NBAS: variants seen among roughly 807,000 people sequenced by gnomAD.
NBAS encodes NBAS subunit of NRZ tethering complex.
NBAS carries 219 observed loss-of-function variants against 302.5 expected under a neutral mutation model. The observed-to-expected ratio is 0.72, with a 90% CI of 0.65 to 0.81. The LOEUF (loss-of-function observed/expected upper bound fraction) is 0.81. Among genes scored for constraint, NBAS ranks in the 30% least tolerant of loss-of-function variants. The pLI is 0.00. For synonymous variants in NBAS, 1,118 were observed against 1,021.6 expected (o/e 1.09, Z -1.80); for missense variants, 2,932 against 2,841.6 (o/e 1.03, Z -0.72).
At chr2:15,092,863 C>G in the NBAS span, among the ~76,000 whole-genome samples, 14 of 152,304 alleles carry the variant, frequency 9.2e-5, no homozygotes, top group East Asian at 2.7e-3. Context: ...CCTTTCAGAG[C>G]TGGTGAGTCA....
chr2:15,464,971 C>A (rs555636255), intron 19 of NBAS, among the ~76,000 whole-genome samples: 7 of 152,192 alleles, frequency 4.6e-5, no homozygotes, highest in Non-Finnish European at 1.0e-4. Context: ...TGATTATGAG[C>A]CCTTGCTTCC....
chr2:14,886,111 C>G, the NBAS span, among the ~76,000 whole-genome samples: 1 of 152,152 alleles, frequency 6.6e-6, no homozygotes, highest in African/African-American at 2.4e-5. Context: ...TTGCTAATAT[C>G]ACACGCTTGG....
chr2:14,908,367 TATA>T, the NBAS span, among the ~76,000 whole-genome samples: 4 of 152,064 alleles, frequency 2.6e-5, no homozygotes, highest in African/African-American at 9.7e-5. Context: ...CGTCTCAAAA[TATA>T]ATAATAATAA....
chr2:14,904,328 G>A, the NBAS span, among the ~76,000 whole-genome samples: 5 of 152,146 alleles, frequency 3.3e-5, no homozygotes, highest in African/African-American at 1.2e-4. Flanking sequence ...AGTCGACAGT[G>A]CAGCCTTCAG....
intron 28 of NBAS, among the ~76,000 whole-genome samples, chr2:15,390,944 C>A (rs2148402511): frequency 6.6e-6 from 1 of 152,032 alleles, no homozygotes; most frequent in African/African-American, 2.4e-5. Flanking sequence ...GAAACCCCGT[C>A]TCTACTAAGA....
chr2:14,793,524 A>T, the NBAS span, among the ~76,000 whole-genome samples: 2 of 152,202 alleles, frequency 1.3e-5, no homozygotes, highest in Admixed American at 6.5e-5. Flanking sequence ...GACAGAAAGT[A>T]GACTGAAAAA....
At chr2:15,113,027 A>G in the NBAS span, among the ~76,000 whole-genome samples, 1 of 152,154 alleles carries the variant, frequency 6.6e-6, no homozygotes, top group Admixed American at 6.6e-5. Context: ...GTACAATGAA[A>G]AAAAGGAGAG....
At chr2:14,890,817 C>G in the NBAS span, 2 of 163,774 alleles carry the variant, frequency 1.2e-5, no homozygotes. Flanking sequence ...GAGCAAAACT[C>G]TGTCTCAAAA....
intron 47 of NBAS, among the ~76,000 whole-genome samples, chr2:15,223,457 C>A (rs1036760594): frequency 6.6e-6 from 1 of 151,952 alleles, no homozygotes; most frequent in Non-Finnish European, 1.5e-5. Context: ...GATTTCATTT[C>A]TCATCTTTTA....
intron 26 of NBAS, 92 bp from the exon 27 acceptor site, chr2:15,396,567 G>T: frequency 3.6e-6 from 3 of 825,356 alleles, no homozygotes; most frequent in South Asian, 1.8e-5. Context: ...AAAAAAAGAT[G>T]TTTCTTTTAT....
At chr2:14,863,329 G>C in the NBAS span, among the ~76,000 whole-genome samples, 1 of 152,180 alleles carries the variant, frequency 6.6e-6, no homozygotes, top group Non-Finnish European at 1.5e-5. Context: ...GAGTCAGGAA[G>C]GGAGATAGGA....
the NBAS span, among the ~76,000 whole-genome samples, chr2:15,147,243 C>A: frequency 2.0e-5 from 3 of 152,116 alleles, no homozygotes; most frequent in African/African-American, 7.3e-5. Context: ...ACAGCTGTCC[C>A]ACAGGTCTGA....
the NBAS span, among the ~76,000 whole-genome samples, chr2:14,874,913 T>G: frequency 1.3e-5 from 2 of 152,052 alleles, no homozygotes; most frequent in Non-Finnish European, 2.9e-5. Flanking sequence ...CATTTGGCTA[T>G]CACAATAGAT....
intron 26 of NBAS, among the ~76,000 whole-genome samples, chr2:15,400,551 A>G (rs979526082): frequency 3.9e-5 from 6 of 152,188 alleles, no homozygotes; most frequent in Non-Finnish European, 8.8e-5. Flanking sequence ...ACACGAGCAT[A>G]ACATTTTAAA....
the NBAS span, among the ~76,000 whole-genome samples, chr2:15,146,590 T>C: frequency 6.6e-6 from 1 of 152,080 alleles, no homozygotes; most frequent in East Asian, 1.9e-4. Context: ...AAGGCTGCCA[T>C]GTCCAGTGAG....
At chr2:14,894,147 C>T in the NBAS span, among the ~76,000 whole-genome samples, 5 of 152,116 alleles carry the variant, frequency 3.3e-5, no homozygotes, top group African/African-American at 1.2e-4. Flanking sequence ...TACAGAGACT[C>T]AAAAATACAT....
At chr2:15,415,756 T>G (rs753278956) in intron 24 of NBAS, 37 bp from the exon 25 acceptor site, 31 of 1,610,722 alleles carry the variant, frequency 1.9e-5, no homozygotes, top group Non-Finnish European at 2.4e-5. Flanking sequence ...CAAACAAGAA[T>G]GAAGTTAAAC....
intron 42 of NBAS, 32 bp downstream of exon 42, chr2:15,287,041 G>A (rs1052982931): frequency 6.0e-6 from 9 of 1,511,256 alleles, no homozygotes; most frequent in Non-Finnish European, 8.3e-6. Flanking sequence ...GAAAGACATG[G>A]AAACAAACGT....
At chr2:15,195,745 T>C (rs774374121) in intron 48 of NBAS, among the ~76,000 whole-genome samples, 1 of 152,128 alleles carries the variant, frequency 6.6e-6, no homozygotes, top group African/African-American at 2.4e-5. Flanking sequence ...TCTCAGGAGT[T>C]GGGTGAGTGG....
Sources: gnomAD v4.1 joint callset for allele counts (sites outside exome capture counted in the v4.1 genomes callset) on GRCh38, gnomAD v4.1.1 for gene constraint, MANE v1.5 for transcripts, NCBI Gene and HGNC (gene_info 2026-07-23, HGNC 2026-07-21) for gene names.